Variants in ZHX3 observed in about 807,000 individuals in gnomAD.
The protein encoded by ZHX3 is zinc fingers and homeoboxes 3.
In ZHX3, 20 loss-of-function variants were observed where a neutral mutation model predicts 64.5. That is an observed-to-expected ratio of 0.31 (90% CI 0.22 to 0.45). The LOEUF (loss-of-function observed/expected upper bound fraction) is 0.45. ZHX3 is among the 20% of genes least tolerant of loss of function. The pLI, the probability that ZHX3 is intolerant of heterozygous loss-of-function variation, is 1.00. For missense variants in ZHX3, 1,041 were observed against 1,195.8 expected (o/e 0.87, Z 1.91); for synonymous variants, 423 against 461.6 (o/e 0.92, Z 1.07).
intron 1 of ZHX3, among the ~76,000 whole-genome samples, chr20:41,315,794 G>T (rs2045271611): frequency 6.6e-6 from 1 of 151,980 alleles, no homozygotes; most frequent in Non-Finnish European, 1.5e-5. Flanking sequence ...ACGTATACAT[G>T]GGAACAAGGC....
intron 2 of ZHX3, among the ~76,000 whole-genome samples, chr20:41,258,905 T>C: frequency 6.6e-6 from 1 of 152,220 alleles, no homozygotes; most frequent in East Asian, 1.9e-4. Context: ...TTCCAAGAGA[T>C]TAGTTGATAT....
chr20:41,275,899 G>T (rs1349543389), intron 1 of ZHX3, among the ~76,000 whole-genome samples: 2 of 152,094 alleles, frequency 1.3e-5, no homozygotes, highest in Non-Finnish European at 2.9e-5. Context: ...GAGGACAGAA[G>T]AAATACAAAA....
chr20:41,314,254 A>G (rs1404782127), intron 1 of ZHX3, among the ~76,000 whole-genome samples: 1 of 152,186 alleles, frequency 6.6e-6, no homozygotes, highest in Non-Finnish European at 1.5e-5. Flanking sequence ...GGTACTTTCA[A>G]ACAGTTCAAG....
intron 1 of ZHX3, among the ~76,000 whole-genome samples, chr20:41,309,292 C>T (rs1197927508): frequency 6.6e-6 from 1 of 152,168 alleles, no homozygotes; most frequent in Non-Finnish European, 1.5e-5. Context: ...TCTTCAGACC[C>T]AGGCAATAGG....
intron 2 of ZHX3, among the ~76,000 whole-genome samples, chr20:41,206,104 C>G (rs1174600130): frequency 6.6e-6 from 1 of 152,166 alleles, no homozygotes; most frequent in Non-Finnish European, 1.5e-5. Flanking sequence ...AGAAGGAAAA[C>G]TAACAAACAG....
chr20:41,267,685 T>C (rs1372104999), intron 2 of ZHX3: 3 of 152,234 alleles, frequency 2.0e-5, no homozygotes, highest in African/African-American at 4.8e-5. Context: ...GAGGGTACCA[T>C]ACAAGGCATC....
intron 1 of ZHX3, among the ~76,000 whole-genome samples, chr20:41,307,348 T>C (rs950738474): frequency 2.0e-5 from 3 of 152,220 alleles, no homozygotes; most frequent in South Asian, 2.1e-4. Flanking sequence ...TGGCAGACTA[T>C]TCATTTCCTA....
intron 1 of ZHX3, among the ~76,000 whole-genome samples, chr20:41,289,965 A>C (rs1048435796): frequency 6.6e-6 from 1 of 152,270 alleles, no homozygotes; most frequent in African/African-American, 2.4e-5. Context: ...AACGCCAAAC[A>C]TTGGGGCAAC....
intron 2 of ZHX3, among the ~76,000 whole-genome samples, chr20:41,246,884 CCAAACAAA>C (rs112966677): frequency 3.8e-4 from 55 of 145,024 alleles, no homozygotes; most frequent in East Asian, 2.9e-3. Flanking sequence ...AAAAAAAAAA[CCAAACAAA>C]CAAACAAACA....
At chr20:41,244,282 A>C (rs765420320) in intron 2 of ZHX3, among the ~76,000 whole-genome samples, 9 of 152,160 alleles carry the variant, frequency 5.9e-5, no homozygotes, top group Non-Finnish European at 8.8e-5. Flanking sequence ...GTGCAGAGCA[A>C]GAACAGGAAG....
intron 2 of ZHX3, among the ~76,000 whole-genome samples, chr20:41,206,212 G>T (rs2038700645): frequency 6.6e-6 from 1 of 152,198 alleles, no homozygotes; most frequent in South Asian, 2.1e-4. Flanking sequence ...GAGCAGAAAA[G>T]CTGAAAATTC....
chr20:41,310,870 G>A (rs958483893), intron 1 of ZHX3, among the ~76,000 whole-genome samples: 7 of 141,474 alleles, frequency 4.9e-5, no homozygotes, highest in Non-Finnish European at 6.0e-5. Flanking sequence ...GTGCAGTGGC[G>A]TGATCTCGGC....
chr20:41,225,574 G>A (rs745917587), intron 2 of ZHX3, among the ~76,000 whole-genome samples: 7 of 152,066 alleles, frequency 4.6e-5, no homozygotes, highest in Non-Finnish European at 7.4e-5. Context: ...TGCAATCTCC[G>A]CCTCCCAGGT....
At position 41,185,167 on chromosome 20, in the gene ZHX3, T is replaced by C. The variant is rs1332275126; in HGVS notation, c.*24A>G. 3 of 1,607,684 alleles carry C rather than the reference T, an allele frequency of 1.9e-6. No individual in the cohort carries two copies. Among genetic ancestry groups the C allele is most frequent in the Non-Finnish European group, 2.5e-6 (3 of 1,176,862 alleles). On this transcript the variant is annotated 3_prime_UTR_variant, in exon 4 of 4. Coordinates refer to ENST00000683867, the MANE Select transcript of ZHX3 (RefSeq NM_001384317.1). The surrounding 1 kb of genome is among the most constrained non-coding windows in gnomAD (Gnocchi z 5.0). ...GCAGGCGGTTTCCCAGACTGGCCAGTCCTTCACATTAATCAGATCAAATTC... is the reference window on the plus strand; with the variant it reads ...GCAGGCGGTTTCCCAGACTGGCCAGCCCTTCACATTAATCAGATCAAATTC...
At chr20:41,315,727 G>GA (rs1370154476) in intron 1 of ZHX3, among the ~76,000 whole-genome samples, 4 of 151,696 alleles carry the variant, frequency 2.6e-5, no homozygotes, top group Admixed American at 6.6e-5. Flanking sequence ...ATAAGTCAAA[G>GA]AAAAAAAGCA....
At position 41,204,125 on chromosome 20, in the gene ZHX3, C is replaced by T. The variant is rs760623226; in HGVS notation, c.792G>A (p.Leu264=). 6.2e-7 allele frequency: 1 copy of T among 1,604,932 alleles called. No homozygotes were observed. Among genetic ancestry groups the T allele is most frequent in the East Asian group, 2.2e-5 (1 of 44,806 alleles). ...AGAGGAACTGTGCTATGCCAGCTGG[C>T]AAAACTGGCACTGTTCCTATCAGGG... The part of the protein sequence containing the change: ...NGPLIGTVPV[L]PAGIAQFLSL... The change falls in exon 3 of 4, where the codon TTG becomes TTA. Residue 264 remains leucine, a synonymous_variant. Coordinates refer to ENST00000683867, the MANE Select transcript of ZHX3 (RefSeq NM_001384317.1). This position sits in a 1 kb window ranked among gnomAD's most constrained non-coding sequence, Gnocchi z 6.6.
intron 1 of ZHX3, among the ~76,000 whole-genome samples, chr20:41,302,542 C>G (rs1232168867): frequency 6.6e-6 from 1 of 152,228 alleles, no homozygotes; most frequent in African/African-American, 2.4e-5. Flanking sequence ...TCACTCTTCT[C>G]AGAGCCACCT....
In ZHX3 at chr20:41,232,434, G is replaced by A. The variant is rs2040673189; in HGVS notation, c.-150-27368C>T. 6.6e-6 allele frequency among the ~76,000 whole-genome samples: 1 copy of A among 152,178 alleles called. No individual in the cohort carries two copies. The highest frequency in any genetic ancestry group is 2.4e-5 in the African/African-American group (1 of 41,418). ...GGAAAGCAGCAAGTGGGTAGGGTGT[G>A]TTCAGGTCTTCAACAGTCCTTTGTT... On this transcript the variant is annotated intron_variant, in intron 2 of 3. Transcript: ENST00000683867. This position sits in a 1 kb window ranked among gnomAD's most constrained non-coding sequence, Gnocchi z 5.0.
intron 3 of ZHX3, among the ~76,000 whole-genome samples, chr20:41,189,646 T>C (rs867925204): frequency 4.4e-4 from 67 of 152,358 alleles, no homozygotes; most frequent in African/African-American, 1.5e-3. Flanking sequence ...ATTTTATTAT[T>C]GGTGTATAGA....
Sources: gnomAD v4.1 joint callset for allele counts (sites outside exome capture counted in the v4.1 genomes callset) on GRCh38, gnomAD v4.1.1 for gene constraint, Gnocchi (gnomAD v3.1) non-coding constraint, MANE v1.5 for transcripts, NCBI Gene and HGNC (gene_info 2026-07-23, HGNC 2026-07-21) for gene names.